The following PDSS2 variants were observed in gnomAD, a reference collection of about 807,000 sequenced individuals.
The protein encoded by PDSS2 is decaprenyl diphosphate synthase subunit 2.
In PDSS2, 31 loss-of-function variants were observed where a neutral mutation model predicts 44.5. The observed-to-expected ratio is 0.70, with a 90% CI of 0.52 to 0.94. The LOEUF (loss-of-function observed/expected upper bound fraction) is 0.94. PDSS2 is among the 40% of genes least tolerant of loss of function. The pLI is 0.00. For missense variants in PDSS2, 452 were observed against 482.2 expected (o/e 0.94, Z 0.59); for synonymous variants, 157 against 180.3 (o/e 0.87, Z 1.03).
chr6:107,423,671 T>C (rs1780897364), intron 1 of PDSS2, among the ~76,000 whole-genome samples: 1 of 152,190 alleles, frequency 6.6e-6, no homozygotes, highest in African/African-American at 2.4e-5. Flanking sequence ...TGTTTTTGTT[T>C]TACAGACCTG....
intron 7 of PDSS2, among the ~76,000 whole-genome samples, chr6:107,161,499 A>G (rs1356170537): frequency 1.3e-5 from 2 of 148,436 alleles, no homozygotes; most frequent in Non-Finnish European, 3.0e-5. Flanking sequence ...AAAAAAAAAA[A>G]GAAATTTGTA....
chr6:107,436,904 T>G (rs772027656), intron 1 of PDSS2, among the ~76,000 whole-genome samples: 2 of 152,194 alleles, frequency 1.3e-5, no homozygotes, highest in Non-Finnish European at 2.9e-5. Context: ...TTATTCAAAT[T>G]GGCATTAATT....
rs574579537 is a variant in PDSS2, at chr6:107,158,459, A to T, written c.1042-3682T>A. On this transcript the variant is annotated intron_variant, in intron 7 of 7. Transcript: ENST00000369037. ...CTCAGCCTCCCAAAGTGCTGGGGTT[A>T]CAGGCGTGAGCCACTGTGCTCCGCC... Among the ~76,000 whole-genome samples the T allele has an allele frequency of 6.6e-5, 10 of 152,240 alleles. No homozygotes were observed. The East Asian group carries it at 1.9e-3, about 29-fold the overall frequency.
At chr6:107,425,510 T>C (rs1206130015) in intron 1 of PDSS2, among the ~76,000 whole-genome samples, 1 of 152,144 alleles carries the variant, frequency 6.6e-6, no homozygotes, top group Non-Finnish European at 1.5e-5. Context: ...GACTAGAGAC[T>C]TGTGGAACTG....
At chr6:107,307,691 T>A (rs1776906858) in intron 2 of PDSS2, among the ~76,000 whole-genome samples, 1 of 152,180 alleles carries the variant, frequency 6.6e-6, no homozygotes, top group Admixed American at 6.5e-5. Context: ...CCACATTTAA[T>A]CATCTTGGCA....
At chr6:107,437,465 T>G (rs1781385406) in intron 1 of PDSS2, among the ~76,000 whole-genome samples, 1 of 144,158 alleles carries the variant, frequency 6.9e-6, no homozygotes, top group Non-Finnish European at 1.5e-5. Flanking sequence ...GCAGAGGCTA[T>G]AGTGAGCCAA....
chr6:107,388,207 C>T (rs937616438), intron 1 of PDSS2, among the ~76,000 whole-genome samples: 4 of 152,112 alleles, frequency 2.6e-5, no homozygotes, highest in African/African-American at 7.2e-5. Context: ...TATTATCCAG[C>T]CCAGGACACT....
At chr6:107,251,179 A>C (rs1774805530) in intron 3 of PDSS2, among the ~76,000 whole-genome samples, 1 of 152,228 alleles carries the variant, frequency 6.6e-6, no homozygotes, top group Non-Finnish European at 1.5e-5. Context: ...GAAAAAATGT[A>C]AACTATAAGG....
intron 4 of PDSS2, among the ~76,000 whole-genome samples, chr6:107,223,951 T>G (rs1160160158): frequency 6.6e-6 from 1 of 151,250 alleles, no homozygotes; most frequent in South Asian, 2.1e-4. Flanking sequence ...CATTACTGCC[T>G]GAGCTCCACC....
chr6:107,267,588 C>CTTTTTTTTTT (rs55860139), intron 3 of PDSS2, among the ~76,000 whole-genome samples: 2 of 132,380 alleles, frequency 1.5e-5, no homozygotes, highest in African/African-American at 5.5e-5. Context: ...GATTCTCTTT[C>CTTTTTTTTTT]TTTTTTTTTT....
chr6:107,217,433 G>A (rs1263265212), intron 4 of PDSS2, among the ~76,000 whole-genome samples: 1 of 152,008 alleles, frequency 6.6e-6, no homozygotes, highest in Non-Finnish European at 1.5e-5. Context: ...TGAGAGATGG[G>A]GCCATGAGCC....
chr6:107,286,245 C>T (rs1312236136), intron 2 of PDSS2, among the ~76,000 whole-genome samples: 4 of 151,404 alleles, frequency 2.6e-5, no homozygotes, highest in Non-Finnish European at 5.9e-5. Context: ...CAGTGGCTAA[C>T]GCCTGTAATC....
chr6:107,452,847 A>G (rs1375068294), intron 1 of PDSS2, among the ~76,000 whole-genome samples: 1 of 151,722 alleles, frequency 6.6e-6, no homozygotes, highest in African/African-American at 2.4e-5. Flanking sequence ...TTGTATTTCT[A>G]GTAGAGATGG....
chr6:107,433,643 T>C lies in PDSS2; in HGVS notation c.296+25347A>G, dbSNP rs534741637. Among the ~76,000 whole-genome samples the C allele has an allele frequency of 3.6e-4, 55 of 152,228 alleles. 1 individual carries two copies. The highest frequency in any genetic ancestry group is 1.6e-4 in the Non-Finnish European group (11 of 68,036). ...TTAAAATGGATTAAAGACTTAAATCTAAGATTTCAAACTATGAAACTACTA... is the reference window on the plus strand; with the variant it reads ...TTAAAATGGATTAAAGACTTAAATCCAAGATTTCAAACTATGAAACTACTA... On this transcript the variant is annotated intron_variant, in intron 1 of 7. Coordinates refer to ENST00000369037, the MANE Select transcript of PDSS2 (RefSeq NM_020381.4).
Position 107,409,624 on chromosome 6 carries a change from A to C in PDSS2, c.296+49366T>G, listed in dbSNP as rs1029163074. On this transcript the variant is annotated intron_variant, in intron 1 of 7. Transcript: ENST00000369037. ...TAACCCAGTTAACGTATTCACCATC[A>C]ATATAATCTCCTTCTACTACAACCA... Among the ~76,000 whole-genome samples the C allele has an allele frequency of 4.6e-5, 7 of 152,194 alleles. No individual in the cohort carries two copies. The East Asian group carries it at 1.2e-3, about 25-fold the overall frequency.
At chr6:107,199,723 G>C (rs1772704915) in intron 6 of PDSS2, among the ~76,000 whole-genome samples, 1 of 152,210 alleles carries the variant, frequency 6.6e-6, no homozygotes, top group Admixed American at 6.5e-5. Flanking sequence ...TGAATAAATG[G>C]ATGAAGCTTT....
chr6:107,258,718 A>G (rs1775111332), intron 3 of PDSS2, among the ~76,000 whole-genome samples: 1 of 152,022 alleles, frequency 6.6e-6, no homozygotes, highest in Admixed American at 6.6e-5. Flanking sequence ...CAGGAGAATC[A>G]CTTGAACCTT....
At chr6:107,362,124 TC>T (rs1344629279) in intron 1 of PDSS2, among the ~76,000 whole-genome samples, 1 of 152,162 alleles carries the variant, frequency 6.6e-6, no homozygotes, top group Non-Finnish European at 1.5e-5. Context: ...AACAGGGAAT[TC>T]CAGCAACCAC....
At chr6:107,423,991 T>C (rs1780907262) in intron 1 of PDSS2, among the ~76,000 whole-genome samples, 1 of 151,848 alleles carries the variant, frequency 6.6e-6, no homozygotes. Flanking sequence ...AGCTAAACAC[T>C]TCATTTAGCA....
Sources: allele counts gnomAD v4.1 joint callset (sites outside exome capture counted in the v4.1 genomes callset), GRCh38; gene constraint gnomAD v4.1.1; transcripts MANE v1.5; gene names NCBI Gene and HGNC (gene_info 2026-07-23, HGNC 2026-07-21).